CHN2: variants seen among roughly 807,000 people sequenced by gnomAD.
The protein encoded by CHN2 is beta-chimaerin.
A neutral mutation model predicts 56.3 loss-of-function variants in CHN2; 35 were observed. The observed-to-expected ratio is 0.62, with a 90% CI of 0.47 to 0.82. CHN2 has a LOEUF of 0.82. Among genes scored for constraint, CHN2 ranks in the 40% least tolerant of loss-of-function variants. CHN2 has a pLI of 0.00. For missense variants in CHN2, 491 were observed against 580.5 expected (o/e 0.85, Z 1.58); for synonymous variants, 210 against 212.8 (o/e 0.99, Z 0.12).
chr7:29,350,215 A>C (rs1797776943), intron 1 of CHN2, among the ~76,000 whole-genome samples: 1 of 152,154 alleles, frequency 6.6e-6, no homozygotes, highest in Non-Finnish European at 1.5e-5. Context: ...CCTTGAGGAA[A>C]CCACTTAATC....
intron 1 of CHN2, among the ~76,000 whole-genome samples, chr7:29,258,082 C>A (rs546217257): frequency 6.6e-6 from 1 of 152,100 alleles, no homozygotes; most frequent in Non-Finnish European, 1.5e-5. Flanking sequence ...TTGCGCCCAG[C>A]CCCTCAGATT....
At chr7:29,491,420 TG>T (rs1788657161) in intron 7 of CHN2, among the ~76,000 whole-genome samples, 1 of 127,922 alleles carries the variant, frequency 7.8e-6, no homozygotes, top group Non-Finnish European at 1.5e-5. Context: ...TGTGTGTGTG[TG>T]AGAGAGAGAG....
chr7:29,280,690 G>A (rs747872582), intron 1 of CHN2, among the ~76,000 whole-genome samples: 1 of 152,186 alleles, frequency 6.6e-6, no homozygotes, highest in Non-Finnish European at 1.5e-5. Flanking sequence ...AACTTGGAAC[G>A]TGAGAACAGC....
rs529529769 is a variant in CHN2 at position 29,202,682 on chromosome 7, G to A, written c.49+7692G>A. Among the ~76,000 whole-genome samples, 11 of 152,320 alleles carry A rather than the reference G, an allele frequency of 7.2e-5. 1 individual carries two copies. The South Asian group carries it at 8.3e-4, about 11-fold the overall frequency. On this transcript the variant is annotated intron_variant, in intron 1 of 12. Transcript: ENST00000222792. ...ACCTTATGCAATTCTTTTCTCATCG[G>A]AGGCCCAGTTCCTGGATTTTATCGG...
At chr7:29,197,308 G>A (rs2128765116) in intron 1 of CHN2, among the ~76,000 whole-genome samples, 1 of 152,316 alleles carries the variant, frequency 6.6e-6, no homozygotes, top group African/African-American at 2.4e-5. Flanking sequence ...ATTCCCTCTA[G>A]CTCTGAAGTT....
chr7:29,438,602 A>G (rs1783411168), intron 6 of CHN2, among the ~76,000 whole-genome samples: 1 of 152,218 alleles, frequency 6.6e-6, no homozygotes, highest in African/African-American at 2.4e-5. Context: ...ATTAAATTTC[A>G]GATATCTATT....
At chr7:29,361,491 G>A (rs1456572263) in intron 2 of CHN2, among the ~76,000 whole-genome samples, 1 of 152,180 alleles carries the variant, frequency 6.6e-6, no homozygotes, top group Non-Finnish European at 1.5e-5. Context: ...TCTGAGACCT[G>A]CTCATTGAGA....
intron 6 of CHN2, among the ~76,000 whole-genome samples, chr7:29,429,432 T>C (rs1436220819): frequency 6.6e-6 from 1 of 152,242 alleles, no homozygotes; most frequent in Non-Finnish European, 1.5e-5. Context: ...AGAGACTCTT[T>C]TGTTTGTTTT....
At chr7:29,379,967 T>TA (rs575038580) in intron 3 of CHN2, among the ~76,000 whole-genome samples, 1,697 of 150,474 alleles carry the variant, frequency 0.011, 17 homozygotes, top group African/African-American at 0.037. Flanking sequence ...AGGTAATTTG[T>TA]AAAAAAAAAA....
At chr7:29,331,587 A>G (rs1327137034) in intron 1 of CHN2, among the ~76,000 whole-genome samples, 1 of 152,164 alleles carries the variant, frequency 6.6e-6, no homozygotes, top group Non-Finnish European at 1.5e-5. Context: ...TGGTTGGTAG[A>G]GGTCAACACC....
rs532151398 is a variant in CHN2 at position 29,199,311 on chromosome 7, A to G, written c.49+4321A>G. ...TCTAACTAGAAATTCTCTGCATCCA[A>G]TACTACAAAACAGGGTATCTTACTG... On this transcript the variant is annotated intron_variant, in intron 1 of 12. Coordinates refer to ENST00000222792, the MANE Select transcript of CHN2 (RefSeq NM_004067.4). 5.3e-5 allele frequency among the ~76,000 whole-genome samples: 8 copies of G among 152,342 alleles called. No homozygotes were observed. The East Asian group carries it at 1.5e-3, about 29-fold the overall frequency.
intron 1 of CHN2, among the ~76,000 whole-genome samples, chr7:29,291,526 A>G (rs1443217719): frequency 6.6e-6 from 1 of 152,208 alleles, no homozygotes; most frequent in Admixed American, 6.5e-5. Context: ...TGTTCCCATT[A>G]AATTTCAAAA....
chr7:29,325,555 T>A (rs551895304), intron 1 of CHN2, among the ~76,000 whole-genome samples: 1 of 152,352 alleles, frequency 6.6e-6, no homozygotes, highest in South Asian at 2.1e-4. Flanking sequence ...CTTTCAAATG[T>A]TACTTTCAGT....
At chr7:29,344,022 C>T (rs548523409) in intron 1 of CHN2, among the ~76,000 whole-genome samples, 1 of 152,298 alleles carries the variant, frequency 6.6e-6, no homozygotes, top group East Asian at 1.9e-4. Flanking sequence ...ATGCTTAAGC[C>T]AAAAACCATT....
At position 29,471,305 on chromosome 7, in the gene CHN2, C is replaced by T. The variant is rs373998426; in HGVS notation, c.577-8974C>T. ...GTTGAAATGCGCGAGATCCTTAATG[C>T]AACACAAAGTCTTCCTCTATGAGGT... On this transcript the variant is annotated intron_variant, in intron 6 of 12. Transcript: ENST00000222792. Among the ~76,000 whole-genome samples the T allele has an allele frequency of 1.6e-4, 24 of 152,272 alleles. 2 individuals are homozygous for T. Among genetic ancestry groups the T allele is most frequent in the African/African-American group, 5.8e-4 (24 of 41,550 alleles).
intron 2 of CHN2, among the ~76,000 whole-genome samples, chr7:29,161,000 CT>C (rs1795100990): frequency 6.6e-6 from 1 of 152,012 alleles, no homozygotes; most frequent in Non-Finnish European, 1.5e-5. Flanking sequence ...GTTTTTCCTG[CT>C]TTTTTAAACT....
chr7:29,161,276 T>G (rs1037432560), intron 2 of CHN2, among the ~76,000 whole-genome samples: 1 of 152,110 alleles, frequency 6.6e-6, no homozygotes, highest in Non-Finnish European at 1.5e-5. Context: ...CTTTTTCCAG[T>G]CCCCTTTGAA....
At chr7:29,198,542 A>T (rs1283792122) in intron 1 of CHN2, among the ~76,000 whole-genome samples, 1 of 152,216 alleles carries the variant, frequency 6.6e-6, no homozygotes, top group Non-Finnish European at 1.5e-5. Flanking sequence ...CTTTGTTTTA[A>T]TAACTACTGG....
At chr7:29,275,981 A>G (rs1458840436) in intron 1 of CHN2, among the ~76,000 whole-genome samples, 1 of 152,024 alleles carries the variant, frequency 6.6e-6, no homozygotes, top group African/African-American at 2.4e-5. Context: ...TGATAGGTTC[A>G]CTAGAAGCCC....
Sources: allele counts gnomAD v4.1 joint callset (sites outside exome capture counted in the v4.1 genomes callset), GRCh38; gene constraint gnomAD v4.1.1; transcripts MANE v1.5; gene names NCBI Gene and HGNC (gene_info 2026-07-23, HGNC 2026-07-21).